SHISA6: variants seen among roughly 807,000 people sequenced by gnomAD.
The protein encoded by SHISA6 is protein shisa-6.
SHISA6 carries 22 observed loss-of-function variants against 47.9 expected under a neutral mutation model. That is an observed-to-expected ratio of 0.46 (90% CI 0.33 to 0.66). The LOEUF (loss-of-function observed/expected upper bound fraction) is 0.66. SHISA6 is among the 30% of genes least tolerant of loss of function. SHISA6 has a pLI of 0.02. For synonymous variants in SHISA6, 388 were observed against 337.8 expected (o/e 1.15, Z -1.63); for missense variants, 680 against 764.6 (o/e 0.89, Z 1.30).
chr17:11,312,016 C>T (rs1313825188), intron 2 of SHISA6, among the ~76,000 whole-genome samples: 3 of 152,096 alleles, frequency 2.0e-5, no homozygotes, highest in East Asian at 1.9e-4. Flanking sequence ...CCTCATGATT[C>T]GCCTGCCTGG....
At chr17:11,452,742 C>T (rs1003491601) in intron 3 of SHISA6, among the ~76,000 whole-genome samples, 3 of 148,506 alleles carry the variant, frequency 2.0e-5, no homozygotes. Context: ...TCCTCCTCCT[C>T]TACTCTACCT....
chr17:11,241,329 CAGCCCGGCCCGCGCGGCGGGTCCTCCG>C lies in SHISA6; in HGVS notation c.-81_-55del, dbSNP rs967294845. The C allele has an allele frequency of 5.8e-5, 48 of 827,960 alleles. No individual in the cohort carries two copies. The highest frequency in any genetic ancestry group is 3.5e-4 in the East Asian group (3 of 8,514). The allele number at this position is 827,960 out of a possible 1,614,324, so 51.3% of individuals were successfully genotyped here. A position where few individuals can be genotyped will look rare whatever the true frequency, so the allele number is the denominator to read the frequency against. On this transcript the variant is annotated 5_prime_UTR_variant, in exon 1 of 6. Transcript: ENST00000441885. This position sits in a 1 kb window ranked among gnomAD's most constrained non-coding sequence, Gnocchi z 5.5. Reference sequence around the variant, plus strand: ...GGAGCCGCTGACCGCTCAGCGCCTCCAGCCCGGCCCGCGCGGCGGGTCCTCCGAGCCCGGCCCGCCGGGGGAGCGGCC... The same window carrying C: ...GGAGCCGCTGACCGCTCAGCGCCTCCAGCCCGGCCCGCCGGGGGAGCGGCC...
chr17:11,384,914 T>A (rs1218198628), intron 3 of SHISA6, among the ~76,000 whole-genome samples: 1 of 152,232 alleles, frequency 6.6e-6, no homozygotes, highest in Non-Finnish European at 1.5e-5. Context: ...GTGATCGCTC[T>A]GTTGTAGGAG....
intron 3 of SHISA6, among the ~76,000 whole-genome samples, chr17:11,448,741 G>A (rs577133443): frequency 3.3e-5 from 5 of 152,176 alleles, no homozygotes; most frequent in Non-Finnish European, 5.9e-5. Context: ...CAGGAGAATC[G>A]CTTGAACCCG....
intron 3 of SHISA6, among the ~76,000 whole-genome samples, chr17:11,401,418 C>T (rs566678445): frequency 6.6e-6 from 1 of 152,318 alleles, no homozygotes; most frequent in African/African-American, 2.4e-5. Context: ...AGGCTGGCCT[C>T]AAACTCCTGA....
intron 3 of SHISA6, among the ~76,000 whole-genome samples, chr17:11,403,075 G>T (rs1177779430): frequency 1.3e-5 from 2 of 152,186 alleles, no homozygotes; most frequent in Non-Finnish European, 2.9e-5. Context: ...ATCCCAGAGA[G>T]CCCCTTGAAA....
Position 11,371,740 on chromosome 17 carries a change from C to CA in SHISA6, c.800-7665dup, listed in dbSNP as rs930230505. ...AATTAAAAAGTACAGAGAAAAACAA[C>CA]AAAAAAAAATGGCCCATGAGCCCAC... On this transcript the variant is annotated intron_variant, in intron 2 of 5. Transcript: ENST00000441885. Among the ~76,000 whole-genome samples the CA allele has an allele frequency of 1.3e-3, 175 of 139,404 alleles. 3 individuals are homozygous for CA. Among genetic ancestry groups the CA allele is most frequent in the African/African-American group, 4.2e-3 (139 of 32,962 alleles). The allele number at this position is 139,404 out of a possible 152,430, so 91.5% of individuals were successfully genotyped here.
intron 3 of SHISA6, among the ~76,000 whole-genome samples, chr17:11,528,298 T>C (rs1429594253): frequency 1.3e-5 from 2 of 152,208 alleles, no homozygotes; most frequent in African/African-American, 4.8e-5. Context: ...ATGAGGGATA[T>C]ATACTGTGTG....
At chr17:11,529,438 T>C (rs1485897638) in intron 3 of SHISA6, among the ~76,000 whole-genome samples, 3 of 152,164 alleles carry the variant, frequency 2.0e-5, no homozygotes, top group Non-Finnish European at 2.9e-5. Flanking sequence ...AGAACCAATA[T>C]GTATTATTTT....
intron 5 of SHISA6, among the ~76,000 whole-genome samples, chr17:11,557,537 A>T (rs2071993161): frequency 6.6e-6 from 1 of 152,228 alleles, no homozygotes; most frequent in Admixed American, 6.5e-5. Context: ...CTGAATTAGA[A>T]TCTGCATTTA....
At chr17:11,356,590 C>T (rs904029844) in intron 2 of SHISA6, among the ~76,000 whole-genome samples, 1 of 152,166 alleles carries the variant, frequency 6.6e-6, no homozygotes, top group Non-Finnish European at 1.5e-5. Context: ...GAGTCACACT[C>T]CATCTGCTTG....
At chr17:11,320,426 G>A (rs1433939570) in intron 2 of SHISA6, among the ~76,000 whole-genome samples, 1 of 152,112 alleles carries the variant, frequency 6.6e-6, no homozygotes, top group East Asian at 1.9e-4. Context: ...TTAGGAGCCT[G>A]AGGCAGGTGG....
At chr17:11,447,118 C>G (rs1915259175) in intron 3 of SHISA6, among the ~76,000 whole-genome samples, 1 of 152,202 alleles carries the variant, frequency 6.6e-6, no homozygotes, top group African/African-American at 2.4e-5. Context: ...TAACAATGAG[C>G]TATCTCCAGG....
chr17:11,310,645 G>A (rs1456195697), intron 2 of SHISA6, among the ~76,000 whole-genome samples: 3 of 152,138 alleles, frequency 2.0e-5, no homozygotes, highest in Admixed American at 6.5e-5. Flanking sequence ...AGGGTTAGGG[G>A]CAAGGAACAG....
At chr17:11,516,605 A>G (rs1368313687) in intron 3 of SHISA6, among the ~76,000 whole-genome samples, 2 of 152,206 alleles carry the variant, frequency 1.3e-5, no homozygotes, top group African/African-American at 2.4e-5. Flanking sequence ...ACTGTGGCAG[A>G]CTTCAAACTA....
intron 3 of SHISA6, among the ~76,000 whole-genome samples, chr17:11,543,513 A>G (rs1037203914): frequency 2.0e-5 from 3 of 152,226 alleles, no homozygotes; most frequent in South Asian, 2.1e-4. Flanking sequence ...AAGACTGGAC[A>G]GCAAAGATGT....
chr17:11,538,102 C>G (rs369768970), intron 3 of SHISA6, among the ~76,000 whole-genome samples: 1 of 152,190 alleles, frequency 6.6e-6, no homozygotes, highest in South Asian at 2.1e-4. Flanking sequence ...GCTCTGTCAC[C>G]AAGGCTGGAG....
chr17:11,268,670 G>A (rs1344941776), intron 2 of SHISA6, among the ~76,000 whole-genome samples: 1 of 152,128 alleles, frequency 6.6e-6, no homozygotes, highest in African/African-American at 2.4e-5. Context: ...ACATTTGTCG[G>A]TTCATGTGTT....
chr17:11,430,980 T>TCC, intron 3 of SHISA6, among the ~76,000 whole-genome samples: 1 of 152,282 alleles, frequency 6.6e-6, no homozygotes, highest in Non-Finnish European at 1.5e-5. Context: ...GAATGGGCAT[T>TCC]TGCTAAGTTA....
Sources: allele counts gnomAD v4.1 joint callset (sites outside exome capture counted in the v4.1 genomes callset), GRCh38; gene constraint gnomAD v4.1.1; non-coding constraint Gnocchi (gnomAD v3.1); transcripts MANE v1.5; gene names NCBI Gene and HGNC (gene_info 2026-07-23, HGNC 2026-07-21).